ARFGEF2: variants seen among roughly 807,000 people sequenced by gnomAD.
ARFGEF2 encodes the protein ARF guanine nucleotide exchange factor 2, also known as brefeldin A-inhibited guanine nucleotide-exchange protein 2.
Under a neutral mutation model 219.9 loss-of-function variants are expected in ARFGEF2, and 74 were observed. The observed-to-expected ratio is 0.34, with a 90% confidence interval of 0.28 to 0.41. The LOEUF (loss-of-function observed/expected upper bound fraction) is 0.41. ARFGEF2 is among the 10% of genes least tolerant of loss of function. ARFGEF2 has a pLI of 1.00. For missense variants in ARFGEF2, 1,743 were observed against 2,218.3 expected, an observed-to-expected ratio of 0.79 and a Z score of 4.30; for synonymous variants, 733 against 799.2, an observed-to-expected ratio of 0.92 and a Z score of 1.40.
chr20:48,973,875 C>G (rs1335064532), intron 12 of ARFGEF2, among the ~76,000 whole-genome samples: 1 of 152,140 alleles, frequency 6.6e-6, no homozygotes, highest in Non-Finnish European at 1.5e-5. Context: ...TGTTTTGAAT[C>G]TAAAATATTT....
At chr20:48,939,781 C>G (rs920107969) in intron 1 of ARFGEF2, among the ~76,000 whole-genome samples, 17 of 152,162 alleles carry the variant, frequency 1.1e-4, no homozygotes, top group African/African-American at 3.4e-4. Flanking sequence ...TCCAGTGAGT[C>G]AGTTTACTTG....
intron 6 of ARFGEF2, among the ~76,000 whole-genome samples, chr20:48,962,913 A>C (rs1270417336): frequency 2.0e-5 from 3 of 152,066 alleles, no homozygotes; most frequent in Non-Finnish European, 2.9e-5. Flanking sequence ...ATGTTTTATA[A>C]ATGAGTAATG....
chr20:48,979,874 C>T (rs1600629714), intron 14 of ARFGEF2, among the ~76,000 whole-genome samples: 1 of 151,706 alleles, frequency 6.6e-6, no homozygotes, highest in East Asian at 1.9e-4. Context: ...TTATTTTCTT[C>T]TTTATTAGTC....
rs568063921 is a variant in ARFGEF2 at position 48,957,274 on chromosome 20, C to A, written c.838+3484C>A. Reference sequence around the variant, plus strand: ...TGGCTATAACTTCATCACATGATCACCCTTTCTGCAAGAAAGGCTGAGAAA... The same window carrying A: ...TGGCTATAACTTCATCACATGATCAACCTTTCTGCAAGAAAGGCTGAGAAA... On this transcript the variant is annotated intron_variant, in intron 6 of 38. Transcript: ENST00000371917. 4.3e-4 allele frequency among the ~76,000 whole-genome samples: 65 copies of A among 152,314 alleles called. No individual in the cohort carries two copies. In the South Asian group the frequency reaches 0.011, roughly 25 times the overall value.
At chr20:49,017,436 T>A in intron 32 of ARFGEF2, 49 bp downstream of exon 32, 1 of 1,613,728 alleles carries the variant, frequency 6.2e-7, no homozygotes. Flanking sequence ...TCAGTGGATG[T>A]CTTAAAGCTC....
chr20:49,016,325 A>G lies in ARFGEF2; in HGVS notation c.4225A>G (p.Ile1409Val). 5 of 1,613,998 alleles carry G rather than the reference A, an allele frequency of 3.1e-6. No homozygotes were observed. The highest frequency in any genetic ancestry group is 1.1e-5 in the South Asian group (1 of 91,086). Residue 1409 changes from isoleucine to valine, a missense_variant, in exon 31 of 39, where the codon ATT (isoleucine) becomes GTT (valine). Coordinates refer to ENST00000371917, the MANE Select transcript of ARFGEF2 (RefSeq NM_006420.3). ...AACCTGCAATCACGCACTTTATGCT[A>G]TTTGTGATGTTTTTACCCAGTTTTA... ...TTTCNHALYA[I>V]CDVFTQFYEA...
chr20:49,028,604 T>A lies in ARFGEF2; in HGVS notation c.4999T>A (p.Phe1667Ile). 6.2e-7 allele frequency: 1 copy of A among 1,614,188 alleles called. No homozygotes were observed. The highest frequency in any genetic ancestry group is 8.5e-7 in the Non-Finnish European group (1 of 1,180,028). ...CCTGGCCTGTTGTTTGAGGATCCTG[T>A]TTCGAATGTATGTTGATGAGAACCG... ...SSLACCLRIL[F>I]RMYVDENRRD... Residue 1667 changes from phenylalanine (F) to isoleucine (I), a missense_variant, in exon 37 of 39, where the codon TTT (phenylalanine) becomes ATT (isoleucine). Coordinates refer to ENST00000371917, the MANE Select transcript of ARFGEF2 (RefSeq NM_006420.3).
At chr20:48,963,405 C>T (rs894237336) in intron 6 of ARFGEF2, among the ~76,000 whole-genome samples, 10 of 152,092 alleles carry the variant, frequency 6.6e-5, no homozygotes, top group African/African-American at 9.7e-5. Flanking sequence ...TGTGAGAAGG[C>T]GAAGCAGCAG....
intron 1 of ARFGEF2, among the ~76,000 whole-genome samples, chr20:48,932,199 A>G (rs951607906): frequency 3.3e-5 from 5 of 152,166 alleles, no homozygotes; most frequent in African/African-American, 1.2e-4. Flanking sequence ...AGCAGAGAGT[A>G]GGCCCGAAGT....
intron 6 of ARFGEF2, 78 bp from the exon 7 acceptor site, chr20:48,963,752 A>G (rs770911975): frequency 2.9e-5 from 41 of 1,404,148 alleles, no homozygotes; most frequent in Non-Finnish European, 3.8e-5. Flanking sequence ...GTAACTCCCC[A>G]TAATCTCCTT....
At chr20:48,969,051 C>T in intron 8 of ARFGEF2, 96 bp from the exon 9 acceptor site, 2 of 1,326,964 alleles carry the variant, frequency 1.5e-6, no homozygotes, top group Non-Finnish European at 2.1e-6. Context: ...GCCTTGACCT[C>T]CTCGGCTCAG....
intron 35 of ARFGEF2, among the ~76,000 whole-genome samples, chr20:49,024,515 G>T (rs545313445): frequency 6.6e-6 from 1 of 152,140 alleles, no homozygotes; most frequent in Non-Finnish European, 1.5e-5. Flanking sequence ...ACAGTTTCTC[G>T]TGTTTCAAGA....
chr20:48,992,104 G>A (rs570577577), intron 21 of ARFGEF2, among the ~76,000 whole-genome samples: 1 of 152,282 alleles, frequency 6.6e-6, no homozygotes, highest in South Asian at 2.1e-4. Flanking sequence ...AATTAAAAGA[G>A]ATTTCAGAAA....
intron 3 of ARFGEF2, among the ~76,000 whole-genome samples, chr20:48,946,521 AAGAT>A (rs2091028766): frequency 1.3e-5 from 2 of 150,618 alleles, no homozygotes; most frequent in East Asian, 1.9e-4. Context: ...TTTTTAGAGA[AAGAT>A]AGGTATTTTT....
At chr20:49,026,794 C>G (rs1232332302) in intron 36 of ARFGEF2, among the ~76,000 whole-genome samples, 1 of 152,020 alleles carries the variant, frequency 6.6e-6, no homozygotes, top group Non-Finnish European at 1.5e-5. Context: ...CCATGTTGGC[C>G]TAGCTGGTCT....
chr20:49,009,261 T>C (rs1225005525), intron 26 of ARFGEF2, among the ~76,000 whole-genome samples: 2 of 152,220 alleles, frequency 1.3e-5, no homozygotes, highest in Non-Finnish European at 2.9e-5. Context: ...TTTAACTGTT[T>C]TGACTTTCTC....
chr20:48,944,037 C>G lies in ARFGEF2; in HGVS notation c.276+2050C>G, dbSNP rs975418923. On this transcript the variant is annotated intron_variant, in intron 3 of 38. Coordinates refer to ENST00000371917, the MANE Select transcript of ARFGEF2 (RefSeq NM_006420.3). ...AATATTTACTCTATTAATCTCTCTT[C>G]TTTGTTACATGTACTTGAGAATTGA... Among the ~76,000 whole-genome samples the G allele has an allele frequency of 2.6e-5, 4 of 152,194 alleles. No homozygotes were observed. In the East Asian group the frequency reaches 7.7e-4, roughly 29 times the overall value.
intron 4 of ARFGEF2, among the ~76,000 whole-genome samples, chr20:48,952,222 C>G (rs1403767898): frequency 8.1e-6 from 1 of 123,818 alleles, no homozygotes; most frequent in African/African-American, 3.1e-5. Flanking sequence ...GTGGTGCAAT[C>G]TCGGCTCGCT....
chr20:49,007,273 T>C (rs2091466905), intron 26 of ARFGEF2, among the ~76,000 whole-genome samples: 1 of 150,806 alleles, frequency 6.6e-6, no homozygotes, highest in African/African-American at 2.4e-5. Context: ...AAAAGTGTAC[T>C]TCAGATCAGC....
Sources: gnomAD v4.1 joint callset for allele counts (sites outside exome capture counted in the v4.1 genomes callset) on GRCh38, gnomAD v4.1.1 for gene constraint, MANE v1.5 for transcripts, NCBI Gene and HGNC (gene_info 2026-07-23, HGNC 2026-07-21) for gene names.